Variants in PLCH2 observed in about 807,000 individuals in gnomAD.
The protein encoded by PLCH2 is 1-phosphatidylinositol 4,5-bisphosphate phosphodiesterase eta-2.
In PLCH2, 98 loss-of-function variants were observed where a neutral mutation model predicts 134.7. The ratio of observed to expected loss-of-function variants is 0.73; its 90% CI spans 0.62 to 0.86. The LOEUF (loss-of-function observed/expected upper bound fraction) is 0.86. PLCH2 is among the 40% of genes least tolerant of loss of function. PLCH2 has a pLI of 0.00. For missense variants in PLCH2, 1,994 were observed against 1,986.6 expected (o/e 1.00, Z -0.07); for synonymous variants, 974 against 827.5 (o/e 1.18, Z -3.04).
At chr1:2,495,040 G>A (rs1032731945) in intron 12 of PLCH2, 92 bp downstream of exon 12, 15 of 856,218 alleles carry the variant, frequency 1.8e-5, no homozygotes, top group Admixed American at 8.8e-5. Flanking sequence ...CCAGTGCCCC[G>A]TGTCCTCCCT....
At chr1:2,503,522 A>G in intron 21 of PLCH2, 1 of 676,312 alleles carries the variant, frequency 1.5e-6, no homozygotes. Flanking sequence ...GCCTGGAGGG[A>G]GGGACATACA....
chr1:2,417,807 T>C, the PLCH2 span, among the ~76,000 whole-genome samples: 1 of 152,190 alleles, frequency 6.6e-6, no homozygotes, highest in Non-Finnish European at 1.5e-5. Context: ...GGGCAGGGGC[T>C]ACAGCCTCTG....
At chr1:2,464,799 T>C (rs1640979819), upstream of PLCH2, among the ~76,000 whole-genome samples, 2 of 152,138 alleles carry the variant, frequency 1.3e-5, no homozygotes, top group Admixed American at 1.3e-4. Flanking sequence ...AGAGATGAGA[T>C]GGAGACACTG....
upstream of PLCH2, among the ~76,000 whole-genome samples, chr1:2,474,409 C>A (rs1248549895): frequency 6.6e-6 from 1 of 152,216 alleles, no homozygotes; most frequent in African/African-American, 2.4e-5. Context: ...ATTAGCCAGG[C>A]CTCCACCCGC....
chr1:2,465,076 T>C (rs1420130144), upstream of PLCH2, among the ~76,000 whole-genome samples: 1 of 152,110 alleles, frequency 6.6e-6, no homozygotes, highest in African/African-American at 2.4e-5. Flanking sequence ...TCAAGGAAAC[T>C]GAGGCACAGG....
chr1:2,503,404 G>GC, intron 21 of PLCH2: 1 of 590,376 alleles, frequency 1.7e-6, no homozygotes, highest in Non-Finnish European at 3.0e-6. Flanking sequence ...CGTCTCCTGC[G>GC]CCCCTGGGAC....
chr1:2,470,602 C>T (rs1055119560), intron 1 of PLCH2, among the ~76,000 whole-genome samples: 4 of 152,164 alleles, frequency 2.6e-5, no homozygotes, highest in East Asian at 3.9e-4. Flanking sequence ...CCTGTTTCCT[C>T]GCCTCCTCCG....
rs894791667 is a variant in PLCH2 at position 2,448,009 on chromosome 1, C to G, written c.115+17380C>G. On this transcript the variant is annotated intron_variant, in intron 2 of 3. Coordinates refer to the PLCH2 transcript ENST00000609981. The surrounding 1 kb of genome is among the most constrained non-coding windows in gnomAD (Gnocchi z 4.0). The stretch of plus-strand genomic sequence containing the variant: ...ATTCAGACCAGGCTGTGCCGCAGTG[C>G]CTGTGGGTGGAGGGCATGGTGCCCC... Among the ~76,000 whole-genome samples, 26 of 152,166 alleles carry G rather than the reference C, an allele frequency of 1.7e-4. No individual in the cohort carries two copies. The highest frequency in any genetic ancestry group is 6.0e-4 in the African/African-American group (25 of 41,448).
At chr1:2,416,132 C>T in the PLCH2 span, among the ~76,000 whole-genome samples, 1 of 152,224 alleles carries the variant, frequency 6.6e-6, no homozygotes, top group Non-Finnish European at 1.5e-5. Flanking sequence ...ACCACCGGAA[C>T]AGGGGACTGC....
At chr1:2,440,631 CCCG>C (rs1440313131) in intron 2 of PLCH2, among the ~76,000 whole-genome samples, 1,495 of 100,340 alleles carry the variant, frequency 0.015, 228 homozygotes, top group East Asian at 0.044. Flanking sequence ...CCTTGCCCGG[CCCG>C]CCAGGGGATC....
chr1:2,489,897 C>T (rs373062697), intron 10 of PLCH2, 30 bp downstream of exon 10: 98 of 1,471,752 alleles, frequency 6.7e-5, no homozygotes, highest in Admixed American at 4.2e-4. Flanking sequence ...GAGGGGGGCG[C>T]GTGGAGCCTG....
In PLCH2 at chr1:2,484,433, G is replaced by A. The variant is rs1408850146; in HGVS notation, c.646-15G>A. On this transcript the variant is annotated splice_polypyrimidine_tract_variant and intron_variant, in intron 4 of 21. Coordinates refer to ENST00000378486, the MANE Select transcript of PLCH2 (RefSeq NM_014638.4). ...GGTCGAGGTGCCAATGGGGACCCAA[G>A]GCCTTGCATTGCAGGAAGCGGACAC... 7.4e-6 allele frequency: 12 copies of A among 1,612,714 alleles called. No homozygotes were observed. Among genetic ancestry groups the A allele is most frequent in the Non-Finnish European group, 1.0e-5 (12 of 1,179,448 alleles).
chr1:2,441,112 G>C (rs1373913743), intron 2 of PLCH2, among the ~76,000 whole-genome samples: 1 of 152,144 alleles, frequency 6.6e-6, no homozygotes, highest in Non-Finnish European at 1.5e-5. Context: ...GACTGCACCT[G>C]GCTCCAGGTG....
chr1:2,499,510 G>A, intron 19 of PLCH2, 131 bp from the exon 20 acceptor site: 1 of 750,338 alleles, frequency 1.3e-6, no homozygotes, highest in Non-Finnish European at 2.3e-6. Flanking sequence ...CCCACAGGAG[G>A]CAGAGGCCCC....
intron 1 of PLCH2, among the ~76,000 whole-genome samples, chr1:2,427,396 T>G (rs1260248974): frequency 1.3e-5 from 2 of 152,134 alleles, no homozygotes; most frequent in Non-Finnish European, 2.9e-5. Context: ...TGCTGGTGGT[T>G]TCTCCGGGAT....
chr1:2,443,277 G>T (rs1340210130), intron 2 of PLCH2, among the ~76,000 whole-genome samples: 1 of 152,232 alleles, frequency 6.6e-6, no homozygotes, highest in Non-Finnish European at 1.5e-5. Context: ...ATCTTAGTTG[G>T]GGGAGGGGTG....
At chr1:2,456,896 G>C (rs949485697) in intron 2 of PLCH2, among the ~76,000 whole-genome samples, 1 of 152,192 alleles carries the variant, frequency 6.6e-6, no homozygotes, top group African/African-American at 2.4e-5. Flanking sequence ...TTCCAGGTGG[G>C]AAGGGACCCC....
Position 2,504,052 on chromosome 1 carries a change from G to A in PLCH2, c.3090G>A (p.Arg1030=). ...TCCCCACCAGCTCTTCTCAGGGACG[G>A]CCCCCATACCCCACAGGACCCGGAG... ...AAVPTSSSQG[R]PPYPTGPGAN... The change falls in exon 22 of 22, where the codon CGG becomes CGA. Residue 1030 remains arginine, a synonymous_variant. Transcript: ENST00000378486. The A allele has an allele frequency of 1.3e-6, 2 of 1,547,596 alleles. No homozygotes were observed. Among genetic ancestry groups the A allele is most frequent in the Non-Finnish European group, 1.7e-6 (2 of 1,145,502 alleles).
chr1:2,503,506 T>C (rs1360382087), intron 21 of PLCH2: 1 of 655,244 alleles, frequency 1.5e-6, no homozygotes, highest in Non-Finnish European at 2.8e-6. Flanking sequence ...GAAGGGTGTC[T>C]CCTTAGCCTG....
Sources: gnomAD v4.1 joint callset for allele counts (sites outside exome capture counted in the v4.1 genomes callset) on GRCh38, gnomAD v4.1.1 for gene constraint, Gnocchi (gnomAD v3.1) non-coding constraint, MANE v1.5 for transcripts, NCBI Gene and HGNC (gene_info 2026-07-23, HGNC 2026-07-21) for gene names.